NRXN3: variants seen among roughly 807,000 people sequenced by gnomAD.
NRXN3 encodes the protein neurexin III.
A neutral mutation model predicts 137.6 loss-of-function variants in NRXN3; 32 were observed. The ratio of observed to expected loss-of-function variants is 0.23; its 90% CI spans 0.18 to 0.31. The LOEUF is 0.31. NRXN3 is among the 10% of genes least tolerant of loss of function. The pLI is 1.00. For missense variants in NRXN3, 1,574 were observed against 2,062.5 expected (o/e 0.76, Z 4.59); for synonymous variants, 798 against 784.5 (o/e 1.02, Z -0.29).
intron 4 of NRXN3, among the ~76,000 whole-genome samples, chr14:78,375,200 CT>C (rs1243144470): frequency 1.3e-5 from 2 of 152,334 alleles, no homozygotes; most frequent in Non-Finnish European, 2.9e-5. Context: ...GGAGCTCACT[CT>C]TTCGCTGTTA....
chr14:79,104,759 A>G (rs547828111), intron 15 of NRXN3, among the ~76,000 whole-genome samples: 7 of 151,392 alleles, frequency 4.6e-5, no homozygotes, highest in South Asian at 2.1e-4. Flanking sequence ...AAGGAAATTC[A>G]CCTTTCCCCC....
chr14:79,807,823 A>G (rs1418689442), intron 20 of NRXN3, among the ~76,000 whole-genome samples: 2 of 152,134 alleles, frequency 1.3e-5, no homozygotes, highest in Admixed American at 6.5e-5. Flanking sequence ...TTCTAATTTT[A>G]TTTACTCCAT....
chr14:78,575,872 A>G (rs2096931215), intron 4 of NRXN3, among the ~76,000 whole-genome samples: 1 of 152,150 alleles, frequency 6.6e-6, no homozygotes, highest in Admixed American at 6.5e-5. Flanking sequence ...GAGGCCTCAA[A>G]TTCTCCTACT....
intron 19 of NRXN3, among the ~76,000 whole-genome samples, chr14:79,771,266 C>T (rs939594427): frequency 5.3e-5 from 8 of 152,200 alleles, no homozygotes; most frequent in African/African-American, 1.9e-4. Flanking sequence ...TCCTCCCTAA[C>T]TCATTATATG....
chr14:78,563,322 TG>T (rs1468288978), intron 4 of NRXN3, among the ~76,000 whole-genome samples: 7 of 152,174 alleles, frequency 4.6e-5, no homozygotes, highest in African/African-American at 1.7e-4. Context: ...CATGGTTTAT[TG>T]GGGGGCTATC....
intron 4 of NRXN3, among the ~76,000 whole-genome samples, chr14:78,401,444 C>T (rs1001262220): frequency 2.0e-5 from 3 of 152,098 alleles, no homozygotes; most frequent in Admixed American, 6.5e-5. Flanking sequence ...GGATTACAGG[C>T]GTGAGCCACC....
intron 20 of NRXN3, among the ~76,000 whole-genome samples, chr14:79,817,253 A>AT (rs1424970409): frequency 6.6e-6 from 1 of 152,116 alleles, no homozygotes; most frequent in African/African-American, 2.4e-5. Context: ...GGGTTTTACC[A>AT]TGTTGGCCAG....
chr14:78,469,114 T>C (rs2095199679), intron 4 of NRXN3, among the ~76,000 whole-genome samples: 1 of 152,182 alleles, frequency 6.6e-6, no homozygotes, highest in African/African-American at 2.4e-5. Flanking sequence ...AAAGAGCTTT[T>C]AAAATTGATA....
chr14:79,543,341 G>A (rs1177008395), intron 16 of NRXN3, among the ~76,000 whole-genome samples: 3 of 152,218 alleles, frequency 2.0e-5, no homozygotes, highest in East Asian at 1.9e-4. Flanking sequence ...TGCACACAGT[G>A]TCTTCTACCA....
intron 15 of NRXN3, among the ~76,000 whole-genome samples, chr14:79,458,893 C>T (rs1256974508): frequency 6.6e-6 from 1 of 152,050 alleles, no homozygotes; most frequent in African/African-American, 2.4e-5. Context: ...CATGTAAAAC[C>T]ACTGTCATTT....
intron 16 of NRXN3, among the ~76,000 whole-genome samples, chr14:79,531,980 T>A (rs187772725): frequency 2.6e-5 from 4 of 152,334 alleles, no homozygotes; most frequent in Admixed American, 2.0e-4. Context: ...TCACCTTTAT[T>A]GCTGTTAGAT....
intron 15 of NRXN3, among the ~76,000 whole-genome samples, chr14:79,086,743 A>G (rs1719419134): frequency 6.6e-6 from 1 of 152,134 alleles, no homozygotes. Flanking sequence ...ACTAATATTT[A>G]ATTATAAAAT....
intron 4 of NRXN3, chr14:78,614,905 C>T: frequency 2.2e-6 from 1 of 455,750 alleles, no homozygotes; most frequent in Admixed American, 2.4e-5. Flanking sequence ...TAGTGGAACT[C>T]TAGGGACCTC....
chr14:78,456,090 T>A (rs1271162789), intron 4 of NRXN3, among the ~76,000 whole-genome samples: 1 of 152,212 alleles, frequency 6.6e-6, no homozygotes, highest in Non-Finnish European at 1.5e-5. Context: ...AGCCTGTCAA[T>A]GGCACTGTGT....
At chr14:79,046,784 T>A (rs1422658255) in intron 15 of NRXN3, among the ~76,000 whole-genome samples, 1 of 152,214 alleles carries the variant, frequency 6.6e-6, no homozygotes, top group Non-Finnish European at 1.5e-5. Flanking sequence ...CAGCCTAGAA[T>A]GCTATCTGAT....
Position 79,266,399 on chromosome 14 carries a change from C to T in NRXN3, c.3263-200822C>T, listed in dbSNP as rs540593096. Among the ~76,000 whole-genome samples the T allele has an allele frequency of 1.0e-3, 155 of 151,994 alleles. 4 individuals are homozygous for T. In the South Asian group the frequency reaches 0.031, roughly 30 times the overall value. On this transcript the variant is annotated intron_variant, in intron 15 of 20. Transcript: ENST00000335750. The stretch of plus-strand genomic sequence containing the variant: ...TTAGAGCCAAATATATATGCTTTCT[C>T]TTCTTTCTCTTAAAGGTAAGCTTTA...
intron 15 of NRXN3, among the ~76,000 whole-genome samples, chr14:79,109,390 T>A (rs1473613349): frequency 1.3e-5 from 2 of 152,198 alleles, no homozygotes; most frequent in Non-Finnish European, 2.9e-5. Context: ...TAGACAAATA[T>A]TTCAGAATAA....
At chr14:79,354,868 T>G (rs771358510) in intron 15 of NRXN3, among the ~76,000 whole-genome samples, 12 of 152,180 alleles carry the variant, frequency 7.9e-5, no homozygotes, top group Non-Finnish European at 1.5e-4. Flanking sequence ...TATATAACAC[T>G]AAAGTAGATG....
rs1206777913 is a variant in NRXN3 at position 78,593,767 on chromosome 14, T to TGG, written c.758-51352_758-51351dup. Among the ~76,000 whole-genome samples the TGG allele has an allele frequency of 2.0e-5, 3 of 152,124 alleles. No individual in the cohort carries two copies. In the East Asian group the frequency reaches 5.8e-4, roughly 29 times the overall value. ...GGTTTAAAGAGGCTTAACAGACCAC[T>TGG]GGTCTTACCAGCAGATGCACCTGGG... On this transcript the variant is annotated intron_variant, in intron 4 of 20. Coordinates refer to ENST00000335750, the MANE Select transcript of NRXN3 (RefSeq NM_001330195.2).
Sources: allele counts gnomAD v4.1 joint callset (sites outside exome capture counted in the v4.1 genomes callset), GRCh38; gene constraint gnomAD v4.1.1; transcripts MANE v1.5; gene names NCBI Gene and HGNC (gene_info 2026-07-23, HGNC 2026-07-21).